Variants in CMTM4 observed in about 807,000 individuals in gnomAD.
The protein encoded by CMTM4 is CKLF-like MARVEL transmembrane domain-containing protein 4.
CMTM4 carries 8 observed loss-of-function variants against 19.0 expected under a neutral mutation model. That is an observed-to-expected ratio of 0.42 (90% confidence interval 0.25 to 0.76). CMTM4 has a LOEUF of 0.76. CMTM4 is among the 30% of genes least tolerant of loss of function. CMTM4 has a pLI of 0.27. For missense variants in CMTM4, 228 were observed against 290.2 expected (o/e 0.79, Z 1.56); for synonymous variants, 106 against 121.1 (o/e 0.88, Z 0.82).
At chr16:66,656,433 G>A (rs1002410803) in intron 1 of CMTM4, among the ~76,000 whole-genome samples, 3 of 152,014 alleles carry the variant, frequency 2.0e-5, no homozygotes, top group African/African-American at 7.2e-5. Context: ...GCGTGATCTT[G>A]GCTCACTGCA....
At position 66,626,058 on chromosome 16, in the gene CMTM4, A is replaced by G. The variant is rs542223930; in HGVS notation, c.364-2556T>C. Among the ~76,000 whole-genome samples the G allele has an allele frequency of 3.9e-5, 6 of 152,344 alleles. No homozygotes were observed. In the South Asian group the frequency reaches 6.2e-4, roughly 16 times the overall value. ...AAAGAAGGACATATGAAACACTACC[A>G]TGAGGGTGCATGCAGCCAACTCAAC... On this transcript the variant is annotated intron_variant, in intron 2 of 3. Transcript: ENST00000394106.
chr16:66,674,732 CTTTTTTTTTTTTTT>C (rs771044359), intron 1 of CMTM4, among the ~76,000 whole-genome samples: 1 of 92,486 alleles, frequency 1.1e-5, no homozygotes, highest in African/African-American at 4.4e-5. Flanking sequence ...GTTACATATT[CTTTTTTTTTTTTTT>C]TTTTTTTTTT....
chr16:66,633,636 G>A (rs2015926731), intron 2 of CMTM4, among the ~76,000 whole-genome samples: 1 of 152,020 alleles, frequency 6.6e-6, no homozygotes, highest in Admixed American at 6.6e-5. Flanking sequence ...TGGCCAACGT[G>A]GCGAAACCTC....
At chr16:66,629,184 T>C (rs72790455) in intron 2 of CMTM4, among the ~76,000 whole-genome samples, 6,678 of 152,250 alleles carry the variant, frequency 0.044, 269 homozygotes, top group East Asian at 0.16. Context: ...CAGAATCAGC[T>C]GGGGGCTGTC....
In CMTM4 at chr16:66,620,536, G is replaced by A; in HGVS notation, c.*1522C>T. On this transcript the variant is annotated 3_prime_UTR_variant, in exon 4 of 4. Transcript: ENST00000394106. ...CAGATGCTGTCCTTTTCTGGGGAAT[G>A]AGACGCCACATGTCCATAAGGTGAC... The A allele has an allele frequency of 1.0e-6, 1 of 985,486 alleles. No homozygotes were observed. The highest frequency in any genetic ancestry group is 1.2e-6 in the Non-Finnish European group (1 of 829,980). The allele number at this position is 985,486 out of a possible 1,614,324, so 61.0% of individuals were successfully genotyped here.
chr16:66,619,695 A>G lies in CMTM4; in HGVS notation c.*2363T>C. The G allele has an allele frequency of 3.0e-6, 3 of 985,412 alleles. No individual in the cohort carries two copies. The highest frequency in any genetic ancestry group is 3.6e-6 in the Non-Finnish European group (3 of 829,922). The allele number at this position is 985,412 out of a possible 1,614,324, so 61.0% of individuals were successfully genotyped here. On this transcript the variant is annotated 3_prime_UTR_variant, in exon 4 of 4. Coordinates refer to ENST00000394106, the MANE Select transcript of CMTM4 (RefSeq NM_181521.3). Reference sequence around the variant, plus strand: ...TGGTCTATACATGATGACATGTGCAACCACACATTACATCAACTAGAAAGC... The same window carrying G: ...TGGTCTATACATGATGACATGTGCAGCCACACATTACATCAACTAGAAAGC...
rs894454260 is a variant in CMTM4, at chr16:66,696,313, G to A, written c.186+27C>T. ...AGGCGTGCGGCTAGGCCGCCCTCGGGCACCTGGGGCCCCGCCCGGCACCTA... is the reference window on the plus strand; with the variant it reads ...AGGCGTGCGGCTAGGCCGCCCTCGGACACCTGGGGCCCCGCCCGGCACCTA... On this transcript the variant is annotated intron_variant, in intron 1 of 3. Transcript: ENST00000394106. The surrounding 1 kb of genome is among the most constrained non-coding windows in gnomAD (Gnocchi z 4.3). The A allele has an allele frequency of 1.2e-5, 16 of 1,302,312 alleles. No individual in the cohort carries two copies. The African/African-American group carries it at 1.9e-4, about 15-fold the overall frequency. The allele number at this position is 1,302,312 out of a possible 1,614,324, so 80.7% of individuals were successfully genotyped here. A position where few individuals can be genotyped will look rare whatever the true frequency, so the allele number is the denominator to read the frequency against.
At chr16:66,686,415 G>A (rs988082014) in intron 1 of CMTM4, among the ~76,000 whole-genome samples, 2 of 151,104 alleles carry the variant, frequency 1.3e-5, no homozygotes, top group Non-Finnish European at 2.9e-5. Context: ...ACAAAAATTA[G>A]CCAGGCGCCT....
intron 2 of CMTM4, among the ~76,000 whole-genome samples, chr16:66,635,731 A>G (rs2015980162): frequency 6.6e-6 from 1 of 152,186 alleles, no homozygotes. Flanking sequence ...TGCACATGCT[A>G]ATTTGTAAAT....
At chr16:66,663,087 C>G (rs1000397590) in intron 1 of CMTM4, among the ~76,000 whole-genome samples, 1 of 152,222 alleles carries the variant, frequency 6.6e-6, no homozygotes, top group Non-Finnish European at 1.5e-5. Context: ...CCACAGAAGA[C>G]TGACCAGAAC....
Position 66,618,538 on chromosome 16 carries a change from C to T in CMTM4, c.*3520G>A, listed in dbSNP as rs1263890359. 2 of 985,372 alleles carry T rather than the reference C, an allele frequency of 2.0e-6. No individual in the cohort carries two copies. The highest frequency in any genetic ancestry group is 3.5e-5 in the African/African-American group (2 of 57,236). 61.0% of individuals were successfully genotyped at this position (985,372 alleles called of 1,614,324 possible). On this transcript the variant is annotated 3_prime_UTR_variant, in exon 4 of 4. Coordinates refer to ENST00000394106, the MANE Select transcript of CMTM4 (RefSeq NM_181521.3). ...GCACATGGATAGGTGACGGGTTTCT[C>T]ATGTGAATCTACAAGAAAAGGTACG...
chr16:66,615,066 G>A lies in CMTM4; in HGVS notation c.*6992C>T, dbSNP rs545813058. The stretch of plus-strand genomic sequence containing the variant: ...GGGGACGCCCACCCAGGGCTTCCAC[G>A]TCAGCTGAAAAACCAAACACATAAA... On this transcript the variant is annotated 3_prime_UTR_variant, in exon 4 of 4. Transcript: ENST00000394106. This position sits in a 1 kb window ranked among gnomAD's most constrained non-coding sequence, Gnocchi z 4.9. 1.3e-5 allele frequency: 2 copies of A among 152,344 alleles called. No homozygotes were observed. The highest frequency in any genetic ancestry group is 4.1e-4 in the South Asian group (2 of 4,834). 9.4% of individuals were successfully genotyped at this position (152,344 alleles called of 1,614,324 possible).
chr16:66,617,158 C>G lies in CMTM4; in HGVS notation c.*4900G>C. On this transcript the variant is annotated 3_prime_UTR_variant, in exon 4 of 4. Coordinates refer to ENST00000394106, the MANE Select transcript of CMTM4 (RefSeq NM_181521.3). ...TGCATCCCAAAGAAAACACGCCACC[C>G]CAGGTGTCTAGATAGCAAGTCACCT... 1.0e-6 allele frequency: 1 copy of G among 979,908 alleles called. No individual in the cohort carries two copies. Among genetic ancestry groups the G allele is most frequent in the Non-Finnish European group, 1.5e-6 (1 of 658,552 alleles). 60.7% of individuals were successfully genotyped at this position (979,908 alleles called of 1,614,324 possible). A position where few individuals can be genotyped will look rare whatever the true frequency, so the allele number is the denominator to read the frequency against.
downstream of CMTM4, chr16:66,609,943 G>C (rs777705777): frequency 6.2e-7 from 1 of 1,614,104 alleles, no homozygotes; most frequent in Non-Finnish European, 8.5e-7. The surrounding 1 kb of genome is among the most constrained non-coding windows in gnomAD (Gnocchi z 4.4). Context: ...CTTTAACGAC[G>C]TGGCCAAATT....
At chr16:66,649,934 G>C (rs960901023) in intron 1 of CMTM4, among the ~76,000 whole-genome samples, 1 of 152,206 alleles carries the variant, frequency 6.6e-6, no homozygotes, top group Non-Finnish European at 1.5e-5. Context: ...GGCACTTGGA[G>C]ACTCTCTGTG....
chr16:66,666,866 T>G (rs998386108), intron 1 of CMTM4, among the ~76,000 whole-genome samples: 5 of 152,138 alleles, frequency 3.3e-5, no homozygotes, highest in Admixed American at 1.3e-4. Context: ...ACCTAAACAT[T>G]AAACTCCTGT....
chr16:66,681,409 C>T (rs895718058), intron 1 of CMTM4, among the ~76,000 whole-genome samples: 9 of 151,888 alleles, frequency 5.9e-5, no homozygotes, highest in African/African-American at 1.9e-4. Context: ...CTCCACCTCC[C>T]GGGTTCATGC....
chr16:66,611,445 T>C (rs355939), downstream of CMTM4, among the ~76,000 whole-genome samples: 14,411 of 151,716 alleles, frequency 0.095, 952 homozygotes, highest in East Asian at 0.27. Context: ...TGAGACTCCA[T>C]CTCGGGGGGA....
chr16:66,654,900 G>A (rs866707076), intron 1 of CMTM4, among the ~76,000 whole-genome samples: 4 of 152,284 alleles, frequency 2.6e-5, no homozygotes, highest in Middle Eastern at 6.8e-3. Context: ...AGGGCCAACA[G>A]AGCCCTCAGA....
Sources: allele counts gnomAD v4.1 joint callset (sites outside exome capture counted in the v4.1 genomes callset), GRCh38; gene constraint gnomAD v4.1.1; non-coding constraint Gnocchi (gnomAD v3.1); transcripts MANE v1.5; gene names NCBI Gene and HGNC (gene_info 2026-07-23, HGNC 2026-07-21).